Variants in LIG3 observed in about 807,000 individuals in gnomAD.
The protein encoded by LIG3 is DNA ligase 3.
LIG3 carries 58 observed loss-of-function variants against 110.9 expected under a neutral mutation model. That is an observed-to-expected ratio of 0.52 (90% CI 0.42 to 0.65). The LOEUF is 0.65. LIG3 is among the 30% of genes least tolerant of loss of function. The pLI, the probability that LIG3 is intolerant of heterozygous loss-of-function variation, is 0.00. For synonymous variants in LIG3, 422 were observed against 472.8 expected, an observed-to-expected ratio of 0.89 and a Z score of 1.39; for missense variants, 1,094 against 1,273.8, an observed-to-expected ratio of 0.86 and a Z score of 2.15.
At chr17:34,989,136 C>T (rs550282688) in intron 3 of LIG3, among the ~76,000 whole-genome samples, 94 of 152,200 alleles carry the variant, frequency 6.2e-4, no homozygotes, top group Non-Finnish European at 1.2e-3. Flanking sequence ...GCCACTGTGC[C>T]CAGCCAGTCC....
rs1446740397 is a variant in LIG3, at chr17:35,008,327, T to G, written c.*3821T>G. On this transcript the variant is annotated 3_prime_UTR_variant, in exon 20 of 20. Coordinates refer to ENST00000378526, the MANE Select transcript of LIG3 (RefSeq NM_013975.4). Reference sequence around the variant, plus strand: ...ACATTTGTGGTCTTGAGCAAGTTAGTTAGTTACAACAACACTGAGCATCTT... The same window carrying G: ...ACATTTGTGGTCTTGAGCAAGTTAGGTAGTTACAACAACACTGAGCATCTT... 1 of 152,236 alleles carries G rather than the reference T, an allele frequency of 6.6e-6. No individual in the cohort carries two copies. Among genetic ancestry groups the G allele is most frequent in the Non-Finnish European group, 1.5e-5 (1 of 68,054 alleles). 9.4% of individuals were successfully genotyped at this position (152,236 alleles called of 1,614,324 possible).
intron 9 of LIG3, among the ~76,000 whole-genome samples, chr17:34,995,234 A>G (rs1211936407): frequency 1.3e-5 from 2 of 152,138 alleles, no homozygotes; most frequent in African/African-American, 4.8e-5. Context: ...ATTGGGAACA[A>G]AGCAGTCAGG....
chr17:34,985,886 A>G, intron 2 of LIG3, 102 bp from the exon 3 acceptor site: 1 of 1,234,142 alleles, frequency 8.1e-7, no homozygotes. Context: ...TAGGGTAGTG[A>G]CTTAACAAGC....
chr17:35,009,904 C>T (rs553126154), downstream of LIG3: 1 of 152,722 alleles, frequency 6.5e-6, no homozygotes, highest in African/African-American at 2.4e-5. Flanking sequence ...ATGAATGATC[C>T]TTTGCTAATT....
At position 34,992,514 on chromosome 17, in the gene LIG3, C is replaced by T. The variant is rs2090733710; in HGVS notation, c.1287-10C>T. On this transcript the variant is annotated splice_polypyrimidine_tract_variant and intron_variant, in intron 7 of 19. Coordinates refer to ENST00000378526, the MANE Select transcript of LIG3 (RefSeq NM_013975.4). The stretch of plus-strand genomic sequence containing the variant: ...TGGTTTTGTTTCCTTGTTCCTGTAC[C>T]CCTTGGCAGGTTAGACGCCCTTGAC... 6.4e-7 allele frequency: 1 copy of T among 1,572,712 alleles called. No homozygotes were observed.
intron 16 of LIG3, 50 bp from the exon 17 acceptor site, chr17:35,001,207 C>T (rs755063006): frequency 6.3e-7 from 1 of 1,594,076 alleles, no homozygotes; most frequent in Non-Finnish European, 8.6e-7. Flanking sequence ...CGCCCGGCCA[C>T]TGATACTATC....
chr17:34,999,435 G>T lies in LIG3; in HGVS notation c.2242G>T (p.Val748Leu), dbSNP rs764868558. ...CCGCCTGCAGAATGAACTAGACATG[G>T]TGAAGATCAGCAAGGTGAGGAAGGG... ...LARLQNELDM[V>L]KISKDPSKIP... The change falls in exon 15 of 20, where the codon GTG becomes TTG. Residue 748 changes from valine to leucine, a missense_variant. By Grantham distance (32) the Val-to-Leu change is conservative. Transcript: ENST00000378526. 5.7e-5 allele frequency: 92 copies of T among 1,613,830 alleles called. No individual in the cohort carries two copies. The highest frequency in any genetic ancestry group is 7.7e-5 in the Non-Finnish European group (91 of 1,179,890).
intron 7 of LIG3, 97 bp from the exon 8 acceptor site, chr17:34,992,426 AG>A: frequency 3.9e-6 from 5 of 1,281,642 alleles, no homozygotes; most frequent in Non-Finnish European, 5.4e-6. Context: ...CCTTCCCTAC[AG>A]ATGAGGATTT....
rs1372763593 is a variant in LIG3 at position 35,008,214 on chromosome 17, G to A, written c.*3708G>A. On this transcript the variant is annotated 3_prime_UTR_variant, in exon 20 of 20. Transcript: ENST00000378526. The stretch of plus-strand genomic sequence containing the variant: ...GTGTAAATATCTGAACTCACTTGGT[G>A]CTTCAACCCAATTGGTCTTGGGATT... 1 of 152,212 alleles carries A rather than the reference G, an allele frequency of 6.6e-6. No individual in the cohort carries two copies. Among genetic ancestry groups the A allele is most frequent in the Non-Finnish European group, 1.5e-5 (1 of 68,044 alleles). The allele number at this position is 152,212 out of a possible 1,614,324, so 9.4% of individuals were successfully genotyped here.
intron 4 of LIG3, among the ~76,000 whole-genome samples, chr17:34,990,143 C>CTA: frequency 6.6e-6 from 1 of 152,306 alleles, no homozygotes; most frequent in Non-Finnish European, 1.5e-5. Flanking sequence ...CATCTGTAGG[C>CTA]TAAAGGTGAG....
At chr17:34,990,568 C>T (rs1242662008) in intron 4 of LIG3, among the ~76,000 whole-genome samples, 1 of 151,946 alleles carries the variant, frequency 6.6e-6, no homozygotes, top group African/African-American at 2.4e-5. Context: ...GCGTGAGCCA[C>T]CATGCGCGGT....
At chr17:34,998,156 C>A (rs746487425) in intron 12 of LIG3, 63 bp from the exon 13 acceptor site, 3 of 1,249,476 alleles carry the variant, frequency 2.4e-6, no homozygotes, top group Non-Finnish European at 1.2e-6. Flanking sequence ...AAAGGAACAA[C>A]CCCCACTCAC....
rs1486497085 is a variant in LIG3 at position 35,009,571 on chromosome 17, G to A, written c.*5065G>A. 16 of 149,284 alleles carry A rather than the reference G, an allele frequency of 1.1e-4. No individual in the cohort carries two copies. Among genetic ancestry groups the A allele is most frequent in the Non-Finnish European group, 2.2e-4 (15 of 67,636 alleles). 9.2% of individuals were successfully genotyped at this position (149,284 alleles called of 1,614,324 possible). On this transcript the variant is annotated 3_prime_UTR_variant, in exon 20 of 20. Transcript: ENST00000378526. ...TTGGAACTCCCAACTTTAATTTGGT[G>A]TAATAAAAATGATGCAAAAAAAAAA...
chr17:35,001,053 C>T (rs1243555616), intron 16 of LIG3, among the ~76,000 whole-genome samples: 1 of 151,766 alleles, frequency 6.6e-6, no homozygotes. Context: ...TACAGGCGTG[C>T]ACCACCGTGC....
At chr17:35,010,657 C>G (rs2090931670), downstream of LIG3, 1 of 150,872 alleles carries the variant, frequency 6.6e-6, no homozygotes, top group African/African-American at 2.5e-5. Context: ...GAGGCTAAGG[C>G]AGGAGAATAG....
At chr17:34,994,593 A>G (rs996184219) in intron 9 of LIG3, among the ~76,000 whole-genome samples, 162 bp downstream of exon 9, 1 of 152,198 alleles carries the variant, frequency 6.6e-6, no homozygotes, top group Non-Finnish European at 1.5e-5. Context: ...GAGTCTTCCC[A>G]TAATGAAGGG....
chr17:34,990,127 A>G (rs889977602), intron 4 of LIG3, among the ~76,000 whole-genome samples: 2 of 152,230 alleles, frequency 1.3e-5, no homozygotes, highest in African/African-American at 4.8e-5. Context: ...CTGTCCAACA[A>G]GAGTTCATCT....
At chr17:34,989,215 G>A (rs376447063) in intron 3 of LIG3, among the ~76,000 whole-genome samples, 1 of 152,036 alleles carries the variant, frequency 6.6e-6, no homozygotes, top group South Asian at 2.1e-4. Context: ...ATGCACATCA[G>A]TCTGGTCTTT....
In LIG3 at chr17:34,999,771, T is replaced by G. The variant is rs1402914230; in HGVS notation, c.2257-11T>G. ...TGGGAACAGCCCAAAGTAGCATCTTTTCTCCTCTAGGACCCCAGCAAAATA... is the reference window on the plus strand; with the variant it reads ...TGGGAACAGCCCAAAGTAGCATCTTGTCTCCTCTAGGACCCCAGCAAAATA... On this transcript the variant is annotated splice_polypyrimidine_tract_variant and intron_variant, in intron 15 of 19. Coordinates refer to ENST00000378526, the MANE Select transcript of LIG3 (RefSeq NM_013975.4). 1 of 1,613,030 alleles carries G rather than the reference T, an allele frequency of 6.2e-7. No homozygotes were observed. Among genetic ancestry groups the G allele is most frequent in the Non-Finnish European group, 8.5e-7 (1 of 1,178,988 alleles).
Sources: allele counts gnomAD v4.1 joint callset (sites outside exome capture counted in the v4.1 genomes callset), GRCh38; gene constraint gnomAD v4.1.1; transcripts MANE v1.5; gene names NCBI Gene and HGNC (gene_info 2026-07-23, HGNC 2026-07-21).